TBC1D8B: variants seen among roughly 807,000 people sequenced by gnomAD.
TBC1D8B encodes the protein TBC1 domain family member 8B, also known as RP11-321G1.1.
TBC1D8B carries 75 observed loss-of-function variants against 82.9 expected under a neutral mutation model. The ratio of observed to expected loss-of-function variants is 0.90; its 90% confidence interval spans 0.75 to 1.10. The LOEUF (loss-of-function observed/expected upper bound fraction) is 1.10. TBC1D8B is among the 50% of genes least tolerant of loss of function. The pLI is 0.00. For missense variants in TBC1D8B, 794 were observed against 796.9 expected (o/e 1.00, Z 0.04); for synonymous variants, 276 against 276.8 (o/e 1.00, Z 0.03).
chrX:106,871,532 G>C (rs920242436), intron 20 of TBC1D8B, among the ~76,000 whole-genome samples: 8 of 111,751 alleles, frequency 7.2e-5, no homozygotes, highest in Non-Finnish European at 1.5e-4. Context: ...CAACATAGAA[G>C]AAAATGTCTG....
chrX:106,859,138 C>G (rs970398567), intron 14 of TBC1D8B, among the ~76,000 whole-genome samples: 1 of 111,926 alleles, frequency 8.9e-6, no homozygotes, highest in Non-Finnish European at 1.9e-5. Flanking sequence ...AGGTGAATAA[C>G]GTGATACCTC....
intron 7 of TBC1D8B, among the ~76,000 whole-genome samples, chrX:106,835,673 C>T (rs371098406): frequency 2.7e-5 from 3 of 111,934 alleles, no homozygotes; most frequent in East Asian, 5.6e-4. Flanking sequence ...TATCCTAAAT[C>T]ATCTCTCTCA....
In TBC1D8B at chrX:106,822,152, AT is replaced by A; in HGVS notation, c.537del (p.Ser181AlafsTer5). The A allele has an allele frequency of 8.3e-7, 1 of 1,208,005 alleles. No homozygotes were observed. Among genetic ancestry groups the A allele is most frequent in the Non-Finnish European group, 1.1e-6 (1 of 894,181 alleles). ...KGRVPCQGWLYLSTNFLSFYS... is the reference protein window; with the variant it reads ...KGRVPCQGWLXLSTNFLSFYS... The stretch of plus-strand genomic sequence containing the variant: ...CGGGTTCCTTGTCAGGGTTGGCTTT[AT>A]CTTAGCACCAACTTTCTGAGCTTCT... On this transcript the variant is annotated frameshift_variant, in exon 4 of 21. Transcript: ENST00000357242. LOFTEE classifies it high-confidence loss of function.
chrX:106,873,532 A>G lies in TBC1D8B; in HGVS notation c.2968-38A>G, dbSNP rs768852413. Reference sequence around the variant, plus strand: ...AGTTCTCTTTATATTTGCTAAGTCTAATATTCAAACGTGATATTTTCAACT... The same window carrying G: ...AGTTCTCTTTATATTTGCTAAGTCTGATATTCAAACGTGATATTTTCAACT... On this transcript the variant is annotated intron_variant, in intron 20 of 20. Coordinates refer to ENST00000357242, the MANE Select transcript of TBC1D8B (RefSeq NM_017752.3). 4 of 1,145,707 alleles carry G rather than the reference A, an allele frequency of 3.5e-6. No homozygotes were observed. In the East Asian group the frequency reaches 1.2e-4, roughly 34 times the overall value. The allele number at this position is 1,145,707 out of a possible 1,213,427, so 94.4% of individuals were successfully genotyped here. A position where few individuals can be genotyped will look rare whatever the true frequency, so the allele number is the denominator to read the frequency against.
chrX:106,842,604 TA>T (rs1357156831), intron 10 of TBC1D8B, among the ~76,000 whole-genome samples: 1 of 5,128 alleles, frequency 2.0e-4, no homozygotes, highest in Admixed American at 1.4e-3. Context: ...TAGCTTGCTC[TA>T]TCTATCTATC....
intron 7 of TBC1D8B, among the ~76,000 whole-genome samples, chrX:106,833,508 C>A (rs1257171990): frequency 8.9e-6 from 1 of 112,012 alleles, no homozygotes; most frequent in Non-Finnish European, 1.9e-5. Context: ...AAGTTTAGTT[C>A]CTTGAATAAT....
In TBC1D8B at chrX:106,873,874, C is replaced by A. The variant is rs1235499707; in HGVS notation, c.3272C>A (p.Ala1091Glu). The A allele has an allele frequency of 8.3e-7, 1 of 1,210,576 alleles. No individual in the cohort carries two copies. The highest frequency in any genetic ancestry group is 1.8e-5 in the South Asian group (1 of 56,426). The change falls in exon 21 of 21, where the codon GCA (alanine) becomes GAA (glutamate). Residue 1091 changes from alanine to glutamate, a missense_variant. Ala to Glu is a moderately radical substitution (Grantham distance 107, BLOSUM62 -1). Transcript: ENST00000357242. ...QILASLLNEPALVRFFEKPID... is the reference protein window; with the variant it reads ...QILASLLNEPELVRFFEKPID... ...CTTGCATCGCTGTTGAATGAACCAG[C>A]ATTGGTGAGGTTTTTTGAGAAACCC...
Position 106,849,220 on chromosome X carries a change from A to ATTTTTTT in TBC1D8B, c.1838-789_1838-783dup, listed in dbSNP as rs761948032. 56 of 879,186 alleles carry ATTTTTTT rather than the reference A, an allele frequency of 6.4e-5. 7 individuals carry two copies. The highest frequency in any genetic ancestry group is 8.4e-5 in the Admixed American group (2 of 23,873). The allele number at this position is 879,186 out of a possible 1,213,427, so 72.5% of individuals were successfully genotyped here. A position where few individuals can be genotyped will look rare whatever the true frequency, so the allele number is the denominator to read the frequency against. Reference sequence around the variant, plus strand: ...TGTCTTTCATTATAATTATTTGTGTATTTTTTTTTTTTTTTTTTTTTTAGG... The same window carrying ATTTTTTT: ...TGTCTTTCATTATAATTATTTGTGTATTTTTTTTTTTTTTTTTTTTTTTTTTTTTAGG... On this transcript the variant is annotated intron_variant, in intron 11 of 20. Transcript: ENST00000357242.
chrX:106,807,663 T>C (rs1044073675), intron 1 of TBC1D8B, among the ~76,000 whole-genome samples: 1 of 111,318 alleles, frequency 9.0e-6, no homozygotes, highest in African/African-American at 3.3e-5. Context: ...ATTTTTTACT[T>C]GATTTCAGAG....
chrX:106,823,087 T>C lies in TBC1D8B; in HGVS notation c.587-139T>C. On this transcript the variant is annotated intron_variant, in intron 4 of 20. Transcript: ENST00000357242. Reference sequence around the variant, plus strand: ...CGTTCATGTTGATGCTTCAAATTTTTAACTAATCTTGAACTCTAAACTATT... The same window carrying C: ...CGTTCATGTTGATGCTTCAAATTTTCAACTAATCTTGAACTCTAAACTATT... 4.8e-6 allele frequency: 3 copies of C among 622,169 alleles called. No homozygotes were observed. In the South Asian group the frequency reaches 1.2e-4, roughly 24 times the overall value. 51.3% of individuals were successfully genotyped at this position (622,169 alleles called of 1,213,427 possible).
chrX:106,844,974 C>T lies in TBC1D8B; in HGVS notation c.1720-3212C>T, dbSNP rs182740196. Among the ~76,000 whole-genome samples the T allele has an allele frequency of 1.9e-3, 211 of 110,703 alleles. 1 individual carries two copies. The highest frequency in any genetic ancestry group is 6.5e-3 in the African/African-American group (198 of 30,567). ...TAGTTTGTGGTTTTTTTTAGAAACT[C>T]GTCCATTTTATCTAGATTATCTAAT... On this transcript the variant is annotated intron_variant, in intron 10 of 20. Transcript: ENST00000357242.
In TBC1D8B at chrX:106,869,154, G is replaced by A. The variant is rs145608403; in HGVS notation, c.2813-331G>A. 2.7e-3 allele frequency among the ~76,000 whole-genome samples: 300 copies of A among 111,528 alleles called. 2 individuals carry two copies. Among genetic ancestry groups the A allele is most frequent in the African/African-American group, 9.3e-3 (285 of 30,753 alleles). On this transcript the variant is annotated intron_variant, in intron 18 of 20. Coordinates refer to ENST00000357242, the MANE Select transcript of TBC1D8B (RefSeq NM_017752.3). Reference sequence around the variant, plus strand: ...GGGCTTTGTAGCACACTCTTCTGACGTCCAGTATGTGCTTTTTTTCTCCTG... The same window carrying A: ...GGGCTTTGTAGCACACTCTTCTGACATCCAGTATGTGCTTTTTTTCTCCTG...
chrX:106,853,495 C>T (rs201554049), intron 12 of TBC1D8B, 26 bp from the exon 13 acceptor site: 192 of 1,185,565 alleles, frequency 1.6e-4, no homozygotes, highest in Admixed American at 6.2e-4. Flanking sequence ...TCCACTAATT[C>T]TTGTATTACT....
At chrX:106,855,196 T>C (rs962801837) in intron 14 of TBC1D8B, among the ~76,000 whole-genome samples, 2 of 112,393 alleles carry the variant, frequency 1.8e-5, no homozygotes, top group African/African-American at 6.5e-5. Flanking sequence ...TTAATGTTTC[T>C]GAAGATTCCA....
chrX:106,854,139 A>G, intron 13 of TBC1D8B, 59 bp from the exon 14 acceptor site: 1 of 825,128 alleles, frequency 1.2e-6, no homozygotes, highest in Non-Finnish European at 1.7e-6. Flanking sequence ...ACTGAATTGT[A>G]AAAGAAAAAG....
intron 7 of TBC1D8B, among the ~76,000 whole-genome samples, chrX:106,830,559 T>G (rs1932009963): frequency 9.0e-6 from 1 of 110,776 alleles, no homozygotes; most frequent in South Asian, 3.9e-4. Context: ...TGTCCAACAA[T>G]GATAGACTGG....
chrX:106,824,052 G>T (rs1040242372), intron 5 of TBC1D8B, among the ~76,000 whole-genome samples: 1 of 111,046 alleles, frequency 9.0e-6, no homozygotes, highest in African/African-American at 3.3e-5. Flanking sequence ...AAAATATGAG[G>T]CAAATATTAA....
At chrX:106,827,871 A>G (rs1469897302) in intron 7 of TBC1D8B, 1 of 111,012 alleles carries the variant, frequency 9.0e-6, no homozygotes, top group African/African-American at 3.3e-5. Context: ...TAACATCACA[A>G]TTAAAAGAAC....
Position 106,869,482 on chromosome X carries a change from T to C in TBC1D8B, c.2813-3T>C, listed in dbSNP as rs763197639. ...CAGAATGCAATTACATCTTTTCTTA[T>C]AGTTTCCAAGCCTGCAAATGAGAAG... On this transcript the variant is annotated splice_region_variant and splice_polypyrimidine_tract_variant and intron_variant, in intron 18 of 20. Transcript: ENST00000357242. 9 of 1,204,599 alleles carry C rather than the reference T, an allele frequency of 7.5e-6. No homozygotes were observed. In the African/African-American group the frequency reaches 1.4e-4, roughly 19 times the overall value.
Sources: gnomAD v4.1 joint callset for allele counts (sites outside exome capture counted in the v4.1 genomes callset) on GRCh38, gnomAD v4.1.1 for gene constraint, MANE v1.5 for transcripts, NCBI Gene and HGNC (gene_info 2026-07-23, HGNC 2026-07-21) for gene names.